Variants in ELOC observed in about 807,000 individuals in gnomAD.
The protein encoded by ELOC is elongin C, also known as elongin-C.
For missense variants in ELOC, 38 were observed against 139.0 expected, an observed-to-expected ratio of 0.27 and a Z score of 3.65; for synonymous variants, 40 against 51.3, an observed-to-expected ratio of 0.78 and a Z score of 0.94.
intron 1 of ELOC, among the ~76,000 whole-genome samples, chr8:73,960,622 G>A (rs926334663): frequency 1.3e-5 from 2 of 152,130 alleles, no homozygotes; most frequent in Non-Finnish European, 2.9e-5. Flanking sequence ...GCTCAAGTGA[G>A]CTTTTGAGGT....
chr8:73,960,676 G>A (rs957804077), intron 1 of ELOC, among the ~76,000 whole-genome samples: 1 of 152,214 alleles, frequency 6.6e-6, no homozygotes, highest in African/African-American at 2.4e-5. Flanking sequence ...ATGCTGGAAG[G>A]ATGATGCATA....
At chr8:73,956,378 C>G (rs1046636873) in intron 2 of ELOC, among the ~76,000 whole-genome samples, 1 of 151,890 alleles carries the variant, frequency 6.6e-6, no homozygotes, top group Admixed American at 6.6e-5. Flanking sequence ...GAGCAAAGCT[C>G]CATCTCAAAA....
intron 3 of ELOC, among the ~76,000 whole-genome samples, chr8:73,947,991 G>A (rs1813495556): frequency 6.6e-6 from 1 of 152,058 alleles, no homozygotes; most frequent in Non-Finnish European, 1.5e-5. Context: ...TCAAGAGTTC[G>A]AGAGCAGCCT....
At chr8:73,960,862 A>G (rs1460320063) in intron 1 of ELOC, among the ~76,000 whole-genome samples, 1 of 152,208 alleles carries the variant, frequency 6.6e-6, no homozygotes, top group Non-Finnish European at 1.5e-5. Context: ...CTGTAATCCC[A>G]GCACTTTGGA....
chr8:73,964,911 A>C (rs983492236), intron 1 of ELOC, among the ~76,000 whole-genome samples: 5 of 151,892 alleles, frequency 3.3e-5, no homozygotes, highest in African/African-American at 4.8e-5. Flanking sequence ...CCTGTAGCCC[A>C]AGGTATTTGG....
In ELOC at chr8:73,951,647, CACAACAACAACA is replaced by C. The variant is rs71269967; in HGVS notation, c.148+4252_148+4263del. Among the ~76,000 whole-genome samples, 11 of 149,920 alleles carry C rather than the reference CACAACAACAACA, an allele frequency of 7.3e-5. No individual in the cohort carries two copies. In the East Asian group the frequency reaches 7.9e-4, roughly 11 times the overall value. ...TCAAAAACAAACAAACAAAAAACCC[CACAACAACAACA>C]ACAACAACAACAACAACAACAAAAC... On this transcript the variant is annotated intron_variant, in intron 3 of 3. Coordinates refer to ENST00000520242, the MANE Select transcript of ELOC (RefSeq NM_005648.4).
At chr8:73,970,387 C>G (rs1021337120) in intron 1 of ELOC, among the ~76,000 whole-genome samples, 2 of 152,300 alleles carry the variant, frequency 1.3e-5, no homozygotes. Flanking sequence ...ATAGGACTGA[C>G]TATAACTTCT....
chr8:73,965,036 C>CAAAAAAAAAAAAAAA (rs61081733), intron 1 of ELOC, among the ~76,000 whole-genome samples: 1 of 81,442 alleles, frequency 1.2e-5, no homozygotes, highest in East Asian at 3.8e-4. Context: ...AAAAACAAAC[C>CAAAAAAAAAAAAAAA]AAAAAAAAAA....
At chr8:73,950,889 C>G (rs1349874550) in intron 3 of ELOC, among the ~76,000 whole-genome samples, 1 of 152,188 alleles carries the variant, frequency 6.6e-6, no homozygotes, top group African/African-American at 2.4e-5. Context: ...TGCAGGGGAA[C>G]TATTGCAGAT....
intron 3 of ELOC, among the ~76,000 whole-genome samples, chr8:73,951,617 C>T (rs1472549525): frequency 6.6e-6 from 1 of 150,640 alleles, no homozygotes; most frequent in African/African-American, 2.4e-5. Flanking sequence ...AAGCAAGACC[C>T]TATCTCAAAA....
intron 2 of ELOC, among the ~76,000 whole-genome samples, chr8:73,956,543 T>A (rs973614020): frequency 1.3e-5 from 2 of 152,210 alleles, no homozygotes; most frequent in Non-Finnish European, 2.9e-5. Flanking sequence ...ACATCTTCCA[T>A]TATCAGAATA....
chr8:73,965,078 G>GA (rs1176371671), intron 1 of ELOC, among the ~76,000 whole-genome samples: 1 of 126,390 alleles, frequency 7.9e-6, no homozygotes, highest in Non-Finnish European at 1.7e-5. Flanking sequence ...AAAGAAAAAT[G>GA]AAAAAAATGA....
intron 1 of ELOC, among the ~76,000 whole-genome samples, chr8:73,970,179 C>T (rs1815258270): frequency 6.6e-6 from 1 of 152,084 alleles, no homozygotes; most frequent in Non-Finnish European, 1.5e-5. Flanking sequence ...GAGGTTGAGG[C>T]TAGAGTGAGC....
At chr8:73,971,600 C>T (rs988153893) in intron 1 of ELOC, among the ~76,000 whole-genome samples, 1 of 151,908 alleles carries the variant, frequency 6.6e-6, no homozygotes, top group Non-Finnish European at 1.5e-5. Context: ...ATGCACGATA[C>T]CCCCAACTCA....
chr8:73,951,865 G>C (rs1813793033), intron 3 of ELOC, among the ~76,000 whole-genome samples: 1 of 152,138 alleles, frequency 6.6e-6, no homozygotes, highest in African/African-American at 2.4e-5. Context: ...ATAGAATTGA[G>C]AGCCCAGAAA....
intron 3 of ELOC, among the ~76,000 whole-genome samples, chr8:73,954,248 C>G (rs1219526901): frequency 6.6e-6 from 1 of 152,138 alleles, no homozygotes; most frequent in Non-Finnish European, 1.5e-5. Context: ...TGTTTTGGAA[C>G]TAGATAGAGA....
intron 3 of ELOC, among the ~76,000 whole-genome samples, chr8:73,948,645 A>G (rs1370537396): frequency 6.6e-6 from 1 of 152,206 alleles, no homozygotes; most frequent in African/African-American, 2.4e-5. Context: ...GAAAAATACT[A>G]CTTAAAAGAA....
chr8:73,970,870 A>AAAC (rs1815322693), intron 1 of ELOC, among the ~76,000 whole-genome samples: 2 of 114,136 alleles, frequency 1.8e-5, no homozygotes, highest in Non-Finnish European at 3.4e-5. Context: ...AAAACAAAAC[A>AAAC]AAAAAAAAAC....
chr8:73,946,895 C>T, intron 3 of ELOC, 75 bp from the exon 4 acceptor site: 1 of 1,232,302 alleles, frequency 8.1e-7, no homozygotes. Flanking sequence ...GTCTTAACCC[C>T]TTGTACCACA....
Sources: gnomAD v4.1 joint callset for allele counts (sites outside exome capture counted in the v4.1 genomes callset) on GRCh38, gnomAD v4.1.1 for gene constraint, MANE v1.5 for transcripts, NCBI Gene and HGNC (gene_info 2026-07-23, HGNC 2026-07-21) for gene names.